The following CDH12 variants were observed in gnomAD, a reference collection of about 807,000 sequenced individuals.
CDH12 encodes cadherin-12.
Under a neutral mutation model 74.1 loss-of-function variants are expected in CDH12, and 41 were observed. That is an observed-to-expected ratio of 0.55 (90% CI 0.43 to 0.72). The LOEUF is 0.72. Ranked by LOEUF, CDH12 falls within the 30% of genes least tolerant of loss-of-function variation. The probability of loss-of-function intolerance (pLI) is 0.00; values close to 1 mark genes in which losing one functional copy is unlikely to be tolerated. For synonymous variants in CDH12, 399 were observed against 355.0 expected (o/e 1.12, Z -1.39); for missense variants, 945 against 977.2 (o/e 0.97, Z 0.44).
chr5:22,261,271 A>T (rs1290114402), intron 3 of CDH12, among the ~76,000 whole-genome samples: 1 of 152,012 alleles, frequency 6.6e-6, no homozygotes, highest in African/African-American at 2.4e-5. Context: ...TTAAAAATAA[A>T]TATAGCAAAG....
At chr5:21,896,846 T>C (rs1339315700) in intron 6 of CDH12, among the ~76,000 whole-genome samples, 1 of 152,224 alleles carries the variant, frequency 6.6e-6, no homozygotes, top group East Asian at 1.9e-4. Flanking sequence ...TTTATTGGCT[T>C]ATTTATTCTT....
chr5:22,825,014 T>A (rs1736208575), intron 1 of CDH12, among the ~76,000 whole-genome samples: 1 of 151,972 alleles, frequency 6.6e-6, no homozygotes, highest in Admixed American at 6.6e-5. Context: ...AGAAAAACTG[T>A]ATTACCAAAG....
chr5:22,765,289 T>A (rs1335973892), intron 1 of CDH12, among the ~76,000 whole-genome samples: 1 of 151,802 alleles, frequency 6.6e-6, no homozygotes, highest in African/African-American at 2.4e-5. Context: ...AAGGGGTGAA[T>A]AAAAGTGTCT....
chr5:22,253,863 T>G lies in CDH12; in HGVS notation c.-332-41220A>C, dbSNP rs377694417. 2.6e-5 allele frequency among the ~76,000 whole-genome samples: 4 copies of G among 151,956 alleles called. No individual in the cohort carries two copies. In the East Asian group the frequency reaches 5.8e-4, roughly 22 times the overall value. Reference sequence around the variant, plus strand: ...CTTACTAAATAATGAGGCACACAAATGTGAACAGATTGTTATTTTAAAGTA... The same window carrying G: ...CTTACTAAATAATGAGGCACACAAAGGTGAACAGATTGTTATTTTAAAGTA... On this transcript the variant is annotated intron_variant, in intron 3 of 14. Coordinates refer to ENST00000382254, the MANE Select transcript of CDH12 (RefSeq NM_004061.5).
At chr5:22,055,309 A>C (rs1740662298) in intron 5 of CDH12, among the ~76,000 whole-genome samples, 1 of 152,192 alleles carries the variant, frequency 6.6e-6, no homozygotes, top group Non-Finnish European at 1.5e-5. Flanking sequence ...GCATACAGGG[A>C]CTTGTTTCCT....
chr5:22,812,059 T>C (rs1221152537), intron 1 of CDH12, among the ~76,000 whole-genome samples: 2 of 152,190 alleles, frequency 1.3e-5, no homozygotes, highest in African/African-American at 4.8e-5. Context: ...TAAAGGAATC[T>C]GAATCTCAGG....
At chr5:22,416,067 T>C (rs916905323) in intron 2 of CDH12, among the ~76,000 whole-genome samples, 5 of 18,946 alleles carry the variant, frequency 2.6e-4, no homozygotes, top group South Asian at 2.8e-3. Flanking sequence ...GGTCTTTTTT[T>C]TTTTTTTTTT....
chr5:22,459,498 G>A (rs944883229), intron 2 of CDH12, among the ~76,000 whole-genome samples: 2 of 152,146 alleles, frequency 1.3e-5, no homozygotes, highest in Non-Finnish European at 2.9e-5. Flanking sequence ...GAAATGTAAA[G>A]ATTAGGAGCT....
chr5:21,791,172 C>G (rs530447390), intron 10 of CDH12, among the ~76,000 whole-genome samples: 2 of 152,120 alleles, frequency 1.3e-5, no homozygotes, highest in Admixed American at 6.6e-5. Flanking sequence ...TGGCATCTTC[C>G]CAGTGCTCTG....
intron 1 of CDH12, among the ~76,000 whole-genome samples, chr5:22,685,219 C>T (rs750251751): frequency 6.6e-6 from 1 of 152,098 alleles, no homozygotes; most frequent in Non-Finnish European, 1.5e-5. Context: ...TAGACTATTT[C>T]GTCACCTCAA....
chr5:22,216,194 T>C (rs1444281127), intron 3 of CDH12, among the ~76,000 whole-genome samples: 2 of 152,060 alleles, frequency 1.3e-5, no homozygotes, highest in Non-Finnish European at 1.5e-5. Context: ...TCAGTCTTTC[T>C]TCATTTACTT....
chr5:22,606,528 A>G (rs571061573), intron 1 of CDH12, among the ~76,000 whole-genome samples: 18 of 151,906 alleles, frequency 1.2e-4, no homozygotes, highest in African/African-American at 3.6e-4. Flanking sequence ...ATGGTTTTAT[A>G]AAGGGCTCCC....
intron 1 of CDH12, among the ~76,000 whole-genome samples, chr5:22,734,349 A>T (rs1169744772): frequency 3.3e-5 from 5 of 150,820 alleles, no homozygotes; most frequent in South Asian, 2.1e-4. Flanking sequence ...ACAACATAAT[A>T]AAAAAAATGC....
chr5:22,409,656 G>A (rs376250316), intron 2 of CDH12, among the ~76,000 whole-genome samples: 24 of 152,100 alleles, frequency 1.6e-4, no homozygotes, highest in African/African-American at 5.5e-4. Flanking sequence ...TATTATAATT[G>A]AGGACTAAGC....
chr5:22,709,674 TAA>T (rs1440295657), intron 1 of CDH12, among the ~76,000 whole-genome samples: 11 of 152,160 alleles, frequency 7.2e-5, no homozygotes, highest in African/African-American at 2.7e-4. Flanking sequence ...CAATAGATGT[TAA>T]GTTAAAAATG....
Position 22,405,314 on chromosome 5 carries a change from T to G in CDH12, c.-390A>C. On this transcript the variant is annotated 5_prime_UTR_variant, in exon 3 of 15. Transcript: ENST00000382254. ...TTATGTATCTCAAATTGTTTTGACC[T>G]CCACAGTAACTTGATTCTATAGCAC... The G allele has an allele frequency of 1.0e-6, 1 of 982,330 alleles. No homozygotes were observed. The highest frequency in any genetic ancestry group is 1.2e-6 in the Non-Finnish European group (1 of 827,050). The allele number at this position is 982,330 out of a possible 1,614,324, so 60.9% of individuals were successfully genotyped here.
intron 3 of CDH12, among the ~76,000 whole-genome samples, chr5:22,358,513 T>G (rs1383860227): frequency 6.6e-6 from 1 of 152,224 alleles, no homozygotes; most frequent in African/African-American, 2.4e-5. Context: ...TGTTTAACAC[T>G]TCACTGACAA....
intron 2 of CDH12, among the ~76,000 whole-genome samples, chr5:22,487,972 G>A (rs1364989256): frequency 1.3e-5 from 2 of 152,132 alleles, no homozygotes; most frequent in African/African-American, 4.8e-5. Context: ...ATGTCAATTG[G>A]TTTTAACAAC....
chr5:22,006,133 C>T (rs1736942114), intron 5 of CDH12, among the ~76,000 whole-genome samples: 1 of 152,108 alleles, frequency 6.6e-6, no homozygotes, highest in Non-Finnish European at 1.5e-5. Flanking sequence ...TACTTCCTTG[C>T]CCCACTTATT....
Sources: gnomAD v4.1 joint callset for allele counts (sites outside exome capture counted in the v4.1 genomes callset) on GRCh38, gnomAD v4.1.1 for gene constraint, MANE v1.5 for transcripts, NCBI Gene and HGNC (gene_info 2026-07-23, HGNC 2026-07-21) for gene names.